Variants in CCDC146 observed in about 807,000 individuals in gnomAD.
CCDC146 encodes the protein coiled-coil domain containing 146.
CCDC146 carries 92 observed loss-of-function variants against 119.3 expected under a neutral mutation model. That is an observed-to-expected ratio of 0.77 (90% CI 0.65 to 0.92). The LOEUF (loss-of-function observed/expected upper bound fraction) is 0.92, where lower values mean the gene tolerates loss of function less well. Ranked by LOEUF, CCDC146 falls within the 40% of genes least tolerant of loss-of-function variation. The probability of loss-of-function intolerance (pLI) is 0.00; values close to 1 mark genes in which losing one functional copy is unlikely to be tolerated. For missense variants in CCDC146, 1,000 were observed against 1,103.0 expected (o/e 0.91, Z 1.32); for synonymous variants, 372 against 371.8 (o/e 1.00, Z -0.01).
At chr7:77,143,477 A>G (rs1790967831) in intron 1 of CCDC146, among the ~76,000 whole-genome samples, 2 of 149,480 alleles carry the variant, frequency 1.3e-5, no homozygotes, top group Admixed American at 1.3e-4. Flanking sequence ...TGTTTTAGAC[A>G]TGAAGTCCTT....
intron 4 of CCDC146, among the ~76,000 whole-genome samples, chr7:77,251,152 G>C (rs1408079631): frequency 2.0e-5 from 3 of 151,984 alleles, no homozygotes; most frequent in Non-Finnish European, 1.5e-5. Context: ...TTCCTGAGTA[G>C]CTGGGATTAC....
At chr7:77,129,359 G>A (rs1199411101) in intron 1 of CCDC146, among the ~76,000 whole-genome samples, 1 of 151,968 alleles carries the variant, frequency 6.6e-6, no homozygotes, top group Non-Finnish European at 1.5e-5. Flanking sequence ...CAAAGCACAA[G>A]AGTAGTAATG....
intron 3 of CCDC146, among the ~76,000 whole-genome samples, chr7:77,238,668 C>T (rs1393059814): frequency 2.6e-5 from 4 of 152,290 alleles, no homozygotes; most frequent in East Asian, 3.9e-4. Flanking sequence ...CCTCACGCCT[C>T]GGCCTCCCAA....
Position 77,183,717 on chromosome 7 carries a change from C to T in CCDC146, c.156+15893C>T, listed in dbSNP as rs571947939. Reference sequence around the variant, plus strand: ...ATCACTTCTGCTTCTGCATGCTCTCCGCATAGTGCTTGCACTTACCTCATG... The same window carrying T: ...ATCACTTCTGCTTCTGCATGCTCTCTGCATAGTGCTTGCACTTACCTCATG... On this transcript the variant is annotated intron_variant, in intron 2 of 18. Transcript: ENST00000285871. Among the ~76,000 whole-genome samples the T allele has an allele frequency of 3.9e-5, 6 of 152,274 alleles. No individual in the cohort carries two copies. The South Asian group carries it at 1.0e-3, about 26-fold the overall frequency.
intron 3 of CCDC146, 66 bp downstream of exon 3, chr7:77,237,095 T>G (rs760193767): frequency 7.8e-7 from 1 of 1,274,632 alleles, no homozygotes; most frequent in Admixed American, 1.8e-5. Flanking sequence ...TGATGAGACC[T>G]GTCTTCATTT....
At chr7:77,251,699 G>A (rs913538937) in intron 4 of CCDC146, among the ~76,000 whole-genome samples, 4 of 152,130 alleles carry the variant, frequency 2.6e-5, no homozygotes, top group African/African-American at 9.7e-5. Context: ...CCAAAATTCT[G>A]GGGGAAGGGA....
intron 2 of CCDC146, among the ~76,000 whole-genome samples, chr7:77,173,601 T>C (rs1164907362): frequency 6.6e-6 from 1 of 152,164 alleles, no homozygotes; most frequent in Non-Finnish European, 1.5e-5. Context: ...TGTGCTCCAG[T>C]CTGGGCAACA....
chr7:77,128,250 C>T (rs1012624967), intron 1 of CCDC146, among the ~76,000 whole-genome samples: 9 of 151,658 alleles, frequency 5.9e-5, no homozygotes, highest in African/African-American at 1.9e-4. Flanking sequence ...TTCTGAAAAT[C>T]CTTTACATTC....
At chr7:77,153,250 A>C (rs1378073118) in intron 1 of CCDC146, among the ~76,000 whole-genome samples, 1 of 152,242 alleles carries the variant, frequency 6.6e-6, no homozygotes, top group Non-Finnish European at 1.5e-5. Context: ...AGATCCATCT[A>C]GGTCCACAGT....
intron 1 of CCDC146, among the ~76,000 whole-genome samples, chr7:77,158,346 A>G (rs1791206880): frequency 6.6e-6 from 1 of 152,074 alleles, no homozygotes; most frequent in African/African-American, 2.4e-5. Context: ...TTCCTATGCC[A>G]GGAATTTAAG....
chr7:77,280,123 G>T (rs1377287592), intron 13 of CCDC146, among the ~76,000 whole-genome samples: 1 of 152,152 alleles, frequency 6.6e-6, no homozygotes, highest in Non-Finnish European at 1.5e-5. Context: ...CCTCAAGACA[G>T]CAGTCTCCTG....
At chr7:77,156,840 G>A (rs2539189) in intron 1 of CCDC146, among the ~76,000 whole-genome samples, 324 of 152,018 alleles carry the variant, frequency 2.1e-3, no homozygotes, top group Non-Finnish European at 3.6e-3. Context: ...ATAGTGGACC[G>A]GAGGCCCCAT....
intron 2 of CCDC146, among the ~76,000 whole-genome samples, chr7:77,185,843 A>G (rs1791659061): frequency 6.6e-6 from 1 of 152,206 alleles, no homozygotes; most frequent in Non-Finnish European, 1.5e-5. Flanking sequence ...TCAAGATGAC[A>G]CAGAGATGGA....
chr7:77,280,829 G>T (rs775345235), intron 14 of CCDC146, among the ~76,000 whole-genome samples, 176 bp downstream of exon 14: 1 of 152,106 alleles, frequency 6.6e-6, no homozygotes, highest in Non-Finnish European at 1.5e-5. Flanking sequence ...CTGTCCTCAC[G>T]CTGGGCACAG....
At chr7:77,149,043 A>T (rs1285188644) in intron 1 of CCDC146, among the ~76,000 whole-genome samples, 7 of 152,182 alleles carry the variant, frequency 4.6e-5, no homozygotes, top group Non-Finnish European at 8.8e-5. Context: ...AAAAAGAACA[A>T]AGCTGGAGGC....
chr7:77,269,710 C>T (rs568415760), intron 9 of CCDC146, among the ~76,000 whole-genome samples: 261 of 152,334 alleles, frequency 1.7e-3, no homozygotes, highest in Admixed American at 4.6e-3. Flanking sequence ...TAAAACTAAG[C>T]ACCCATAGAA....
At chr7:77,199,203 T>G (rs1036940273) in intron 2 of CCDC146, 1 of 1,613,922 alleles carries the variant, frequency 6.2e-7, no homozygotes, top group Non-Finnish European at 8.5e-7. Flanking sequence ...GTATTTGTTC[T>G]TGGCTGGGAC....
chr7:77,175,853 G>A (rs1474045018), intron 2 of CCDC146, among the ~76,000 whole-genome samples: 2 of 151,098 alleles, frequency 1.3e-5, no homozygotes, highest in South Asian at 2.1e-4. Context: ...GATACCATGA[G>A]AATTTATGGA....
chr7:77,184,713 G>C (rs1434454003), intron 2 of CCDC146, among the ~76,000 whole-genome samples: 2 of 152,150 alleles, frequency 1.3e-5, no homozygotes, highest in Non-Finnish European at 2.9e-5. Flanking sequence ...GAACTTGTTT[G>C]CCCTTTCTGT....
Sources: allele counts gnomAD v4.1 joint callset (sites outside exome capture counted in the v4.1 genomes callset), GRCh38; gene constraint gnomAD v4.1.1; transcripts MANE v1.5; gene names NCBI Gene and HGNC (gene_info 2026-07-23, HGNC 2026-07-21).